The following RFK variants were observed in gnomAD, a reference collection of about 807,000 sequenced individuals.
RFK encodes riboflavin kinase.
Under a neutral mutation model 17.6 loss-of-function variants are expected in RFK, and 4 were observed. The observed-to-expected ratio is 0.23, with a 90% CI of 0.11 to 0.52. The LOEUF (loss-of-function observed/expected upper bound fraction) is 0.52. RFK is among the 20% of genes least tolerant of loss of function. The probability of loss-of-function intolerance (pLI) is 0.96; values close to 1 mark genes in which losing one functional copy is unlikely to be tolerated. For missense variants in RFK, 189 were observed against 187.7 expected, an observed-to-expected ratio of 1.01 and a Z score of -0.04; for synonymous variants, 59 against 63.8, an observed-to-expected ratio of 0.92 and a Z score of 0.36.
rs891323623 is a variant in RFK at position 76,394,272 on chromosome 9, G to A, written c.-101C>T. ...ACCCCGGACCAGCCGGGGGACAGGAGCGTGAGCTCTGCCTGCCGCGGGGGC... is the reference window on the plus strand; with the variant it reads ...ACCCCGGACCAGCCGGGGGACAGGAACGTGAGCTCTGCCTGCCGCGGGGGC... On this transcript the variant is annotated 5_prime_UTR_variant, in exon 1 of 4. Coordinates refer to ENST00000376736, the MANE Select transcript of RFK (RefSeq NM_018339.6). 1.1e-5 allele frequency: 13 copies of A among 1,220,128 alleles called. No individual in the cohort carries two copies. In the South Asian group the frequency reaches 1.3e-4, roughly 13 times the overall value. The allele number at this position is 1,220,128 out of a possible 1,614,324, so 75.6% of individuals were successfully genotyped here.
chr9:76,393,487 G>A (rs1822845273), intron 1 of RFK, among the ~76,000 whole-genome samples: 1 of 152,032 alleles, frequency 6.6e-6, no homozygotes, highest in Middle Eastern at 3.2e-3. Context: ...GATTACAGGC[G>A]TGAGCCACCA....
chr9:76,393,766 G>C (rs751775636), intron 1 of RFK: 11 of 392,910 alleles, frequency 2.8e-5, no homozygotes, highest in African/African-American at 4.2e-5. Context: ...CGTCTCTAAT[G>C]GGCAAGACAA....
intron 2 of RFK, among the ~76,000 whole-genome samples, chr9:76,391,608 T>C (rs989669376): frequency 1.3e-5 from 2 of 152,244 alleles, no homozygotes; most frequent in African/African-American, 4.8e-5. Context: ...AAATCATTTT[T>C]ATCTTTGGTC....
At chr9:76,391,448 G>A (rs1822819740) in intron 2 of RFK, among the ~76,000 whole-genome samples, 2 of 152,184 alleles carry the variant, frequency 1.3e-5, no homozygotes, top group South Asian at 2.1e-4. Flanking sequence ...ACCAATGTGG[G>A]ACTGTATCAA....
Position 76,388,624 on chromosome 9 carries a change from G to C in RFK, c.267C>G (p.Asp89Glu), listed in dbSNP as rs1453041044. ...CCACATTGAGGATTTCCCCATAGAA[G>C]TCCTCTTTGAAGGTATGCATGATAT... ...ETHIMHTFKE[D>E]FYGEILNVAI... is the part of the protein sequence containing the mutation. Residue 89 changes from aspartate (D) to glutamate (E), a missense_variant, in exon 3 of 4, where the codon GAC becomes GAG. Transcript: ENST00000376736. 7 of 1,611,540 alleles carry C rather than the reference G, an allele frequency of 4.3e-6. No individual in the cohort carries two copies. Among genetic ancestry groups the C allele is most frequent in the South Asian group, 1.1e-5 (1 of 91,004 alleles).
rs751392557 is a variant in RFK at position 76,392,423 on chromosome 9, A to T, written c.229T>A (p.Ser77Thr). 5.0e-6 allele frequency: 8 copies of T among 1,613,994 alleles called. No homozygotes were observed. The highest frequency in any genetic ancestry group is 1.7e-5 in the Admixed American group (1 of 59,988). Residue 77 changes from serine (S) to threonine (T), a missense_variant, in exon 2 of 4, where the codon TCT (serine) becomes ACT (threonine). Ser to Thr is a moderately conservative substitution (Grantham distance 58, BLOSUM62 1). Coordinates refer to ENST00000376736, the MANE Select transcript of RFK (RefSeq NM_018339.6). ...GAGCAAAATATAATGCTTACCATAG[A>T]CTTCTTCGTATTCTTGTAATATGGG... is the stretch of plus-strand genomic sequence containing the variant. ...WNPYYKNTKK[S>T]METHIMHTFK... is the part of the protein sequence containing the mutation.
intron 2 of RFK, 148 bp from the exon 3 acceptor site, chr9:76,388,804 G>GT (rs1822777385): frequency 3.7e-6 from 2 of 539,336 alleles, no homozygotes; most frequent in Non-Finnish European, 6.4e-6. Context: ...TCTAAGTGCA[G>GT]TTTTTCCTAA....
intron 2 of RFK, among the ~76,000 whole-genome samples, chr9:76,391,564 T>C (rs191046821): frequency 1.6e-4 from 25 of 152,378 alleles, no homozygotes; most frequent in Non-Finnish European, 2.8e-4. Context: ...AGTGCATTAA[T>C]TGTGGCAAGC....
rs766172625 is a variant in RFK, at chr9:76,387,398, A to C, written c.*1T>G. 3.1e-6 allele frequency: 5 copies of C among 1,602,654 alleles called. No homozygotes were observed. In the South Asian group the frequency reaches 4.4e-5, roughly 14 times the overall value. ...GAATGAATAAATAATACAATTTTTC[A>C]TCAGTGGCCATTCATTATTTTGCTT... On this transcript the variant is annotated 3_prime_UTR_variant, in exon 4 of 4. Coordinates refer to ENST00000376736, the MANE Select transcript of RFK (RefSeq NM_018339.6).
In RFK at chr9:76,385,872, T is replaced by C. The variant is rs1393755844; in HGVS notation, c.*1527A>G. The C allele has an allele frequency of 2.0e-5, 3 of 152,192 alleles. No individual in the cohort carries two copies. The highest frequency in any genetic ancestry group is 2.0e-4 in the Admixed American group (3 of 15,274). 9.4% of individuals were successfully genotyped at this position (152,192 alleles called of 1,614,324 possible). Reference sequence around the variant, plus strand: ...TCTTTCAAGTATAAGATTTCTAAAATTAAAAACTGTTTTTGACATATTTTT... The same window carrying C: ...TCTTTCAAGTATAAGATTTCTAAAACTAAAAACTGTTTTTGACATATTTTT... On this transcript the variant is annotated 3_prime_UTR_variant, in exon 4 of 4. Coordinates refer to ENST00000376736, the MANE Select transcript of RFK (RefSeq NM_018339.6).
intron 2 of RFK, among the ~76,000 whole-genome samples, chr9:76,391,306 T>G (rs997658058): frequency 7.9e-5 from 12 of 152,236 alleles, no homozygotes; most frequent in African/African-American, 2.9e-4. Flanking sequence ...CTGTAATTTG[T>G]TTTTGCCACA....
At chr9:76,387,621 G>A in intron 3 of RFK, 92 bp from the exon 4 acceptor site, 1 of 1,255,184 alleles carries the variant, frequency 8.0e-7, no homozygotes, top group South Asian at 1.4e-5. Context: ...AAACTCACAG[G>A]CTGGCAGTAT....
In RFK at chr9:76,386,706, A is replaced by T. The variant is rs2131552690; in HGVS notation, c.*693T>A. 1 of 152,356 alleles carries T rather than the reference A, an allele frequency of 6.6e-6. No individual in the cohort carries two copies. Among genetic ancestry groups the T allele is most frequent in the Admixed American group, 6.5e-5 (1 of 15,304 alleles). 9.4% of individuals were successfully genotyped at this position (152,356 alleles called of 1,614,324 possible). ...TTGAAGCAGCTCTATACAATAATGA[A>T]GGTGGTACAATGATGTGACTGCAAA... On this transcript the variant is annotated 3_prime_UTR_variant, in exon 4 of 4. Coordinates refer to ENST00000376736, the MANE Select transcript of RFK (RefSeq NM_018339.6).
chr9:76,387,474 C>G lies in RFK; in HGVS notation c.393G>C (p.Glu131Asp), dbSNP rs746082841. ...CTTTGATTTTCAAATGTTCTGGTAA[C>G]TCTAGTCGTTTCTTAGCTTCTTCAA... ...GDIEEAKKRL[E>D]LPEHLKIKED... Residue 131 changes from glutamate (E) to aspartate (D), a missense_variant, in exon 4 of 4, where the codon GAG becomes GAC. By Grantham distance (45) the Glu-to-Asp change is conservative (BLOSUM62 2). Coordinates refer to ENST00000376736, the MANE Select transcript of RFK (RefSeq NM_018339.6). The G allele has an allele frequency of 5.6e-6, 9 of 1,611,950 alleles. No homozygotes were observed. The South Asian group carries it at 9.9e-5, about 18-fold the overall frequency.
At chr9:76,392,048 G>A (rs907094249) in intron 2 of RFK, among the ~76,000 whole-genome samples, 2 of 151,796 alleles carry the variant, frequency 1.3e-5, no homozygotes, top group African/African-American at 2.4e-5. Context: ...AAACCCCATG[G>A]TAACCACAAA....
intron 3 of RFK, 33 bp from the exon 4 acceptor site, chr9:76,387,562 A>G (rs1465165233): frequency 2.5e-6 from 4 of 1,581,834 alleles, no homozygotes; most frequent in Non-Finnish European, 3.4e-6. Context: ...AAAAATGATG[A>G]AAAACCATTA....
In RFK at chr9:76,387,485, T is replaced by G; in HGVS notation, c.382A>C (p.Lys128Gln). The G allele has an allele frequency of 6.2e-7, 1 of 1,611,938 alleles. No individual in the cohort carries two copies. The change falls in exon 4 of 4, where the codon AAA becomes CAA. Residue 128 changes from lysine (K) to glutamine (Q), a missense_variant. Physicochemically the swap from Lys to Gln is moderately conservative, Grantham distance 53. This residue lies in a region of RFK where 95 missense variants were observed against 95.7 expected (regional missense o/e 0.99). Coordinates refer to ENST00000376736, the MANE Select transcript of RFK (RefSeq NM_018339.6). ...AIQGDIEEAK[K>Q]RLELPEHLKI... Reference sequence around the variant, plus strand: ...AAATGTTCTGGTAACTCTAGTCGTTTCTTAGCTTCTTCAATATCACCTTGA... The same window carrying G: ...AAATGTTCTGGTAACTCTAGTCGTTGCTTAGCTTCTTCAATATCACCTTGA...
rs776232956 is a variant in RFK, at chr9:76,392,405, A to C, written c.234+13T>G. 7.4e-6 allele frequency: 12 copies of C among 1,613,730 alleles called. No homozygotes were observed. The highest frequency in any genetic ancestry group is 1.0e-5 in the Non-Finnish European group (12 of 1,179,886). On this transcript the variant is annotated intron_variant, in intron 2 of 3. Transcript: ENST00000376736. ...ATACCATTTTCGGTTACAGAGCAAA[A>C]TATAATGCTTACCATAGACTTCTTC... is the stretch of plus-strand genomic sequence containing the variant.
intron 3 of RFK, chr9:76,388,220 T>C (rs1040626461): frequency 2.1e-6 from 1 of 484,392 alleles, no homozygotes; most frequent in Non-Finnish European, 4.1e-6. Flanking sequence ...ATTTACTATA[T>C]CTCAAACTTC....
Sources: gnomAD v4.1 joint callset for allele counts (sites outside exome capture counted in the v4.1 genomes callset) on GRCh38, gnomAD v4.1.1 for gene constraint, gnomAD v4.1.1 regional missense constraint, MANE v1.5 for transcripts, NCBI Gene and HGNC (gene_info 2026-07-23, HGNC 2026-07-21) for gene names.